MAML3: variants seen among roughly 807,000 people sequenced by gnomAD.
MAML3 encodes mastermind-like protein 3.
MAML3 carries 27 observed loss-of-function variants against 101.9 expected under a neutral mutation model. The observed-to-expected ratio is 0.27, with a 90% CI of 0.20 to 0.37. The LOEUF (loss-of-function observed/expected upper bound fraction) is 0.37, where lower values mean the gene tolerates loss of function less well. Among genes scored for constraint, MAML3 ranks in the 10% least tolerant of loss-of-function variants. The pLI is 1.00. For missense variants in MAML3, 1,316 were observed against 1,444.9 expected (o/e 0.91, Z 1.45); for synonymous variants, 501 against 555.9 (o/e 0.90, Z 1.39).
At chr4:140,035,836 C>A (rs1280556443) in intron 1 of MAML3, among the ~76,000 whole-genome samples, 2 of 151,834 alleles carry the variant, frequency 1.3e-5, no homozygotes, top group Non-Finnish European at 2.9e-5. Flanking sequence ...AGTTTAGCAC[C>A]AAATTGCTCT....
At position 139,773,516 on chromosome 4, in the gene MAML3, G is replaced by A. The variant is rs192428576; in HGVS notation, c.2080-42849C>T. Among the ~76,000 whole-genome samples the A allele has an allele frequency of 5.9e-5, 9 of 152,310 alleles. No homozygotes were observed. In the East Asian group the frequency reaches 7.7e-4, roughly 13 times the overall value. On this transcript the variant is annotated intron_variant, in intron 2 of 4. Coordinates refer to ENST00000509479, the MANE Select transcript of MAML3 (RefSeq NM_018717.5). ...TCCTCTTCACTAGTCAAAAGTGTGC[G>A]TGTCCATGGATCTTTGCTACTACAG...
chr4:139,889,487 T>G lies in MAML3; in HGVS notation c.1949A>C (p.Gln650Pro), dbSNP rs766968749. ...GGCCTGGAGCTGTGGAGGTGGCGGC[T>G]GCTGCTGCTGCTGCTGCTGCTGTTG... ...QQQQQQQQQQQPPPPQLQAPR... is the reference protein window; with the variant it reads ...QQQQQQQQQQPPPPPQLQAPR... Residue 650 changes from glutamine (Q) to proline (P), a missense_variant, in exon 2 of 5, where the codon CAG becomes CCG. Physicochemically the swap from Gln to Pro is moderately conservative, Grantham distance 76 (BLOSUM62 -1). Coordinates refer to ENST00000509479, the MANE Select transcript of MAML3 (RefSeq NM_018717.5). 1.4e-5 allele frequency: 14 copies of G among 971,294 alleles called. No individual in the cohort carries two copies. In the East Asian group the frequency reaches 2.3e-4, roughly 16 times the overall value. The allele number at this position is 971,294 out of a possible 1,614,324, so 60.2% of individuals were successfully genotyped here.
chr4:139,940,332 C>G (rs1733578703), intron 1 of MAML3, among the ~76,000 whole-genome samples: 1 of 152,174 alleles, frequency 6.6e-6, no homozygotes, highest in Non-Finnish European at 1.5e-5. Flanking sequence ...CCTACCCAAT[C>G]TATGTCATAT....
At chr4:139,837,854 A>T (rs1330290739) in intron 2 of MAML3, among the ~76,000 whole-genome samples, 1 of 151,996 alleles carries the variant, frequency 6.6e-6, no homozygotes, top group Non-Finnish European at 1.5e-5. Flanking sequence ...TGGGAGTTGG[A>T]GTTTGCAGTG....
chr4:140,088,026 C>T (rs1430459853), intron 1 of MAML3, among the ~76,000 whole-genome samples: 1 of 152,092 alleles, frequency 6.6e-6, no homozygotes, highest in Non-Finnish European at 1.5e-5. Context: ...ACCAGGAGCT[C>T]GAGATCAGCT....
intron 1 of MAML3, among the ~76,000 whole-genome samples, chr4:140,085,946 T>C (rs1385890938): frequency 6.6e-6 from 1 of 152,228 alleles, no homozygotes; most frequent in Non-Finnish European, 1.5e-5. Context: ...GGAAAATTTA[T>C]GCTTTCCCCT....
At chr4:139,914,771 C>T (rs1732997567) in intron 1 of MAML3, among the ~76,000 whole-genome samples, 1 of 152,200 alleles carries the variant, frequency 6.6e-6, no homozygotes. Flanking sequence ...TTAAACACAT[C>T]TTTCCCTCCT....
intron 2 of MAML3, among the ~76,000 whole-genome samples, chr4:139,812,854 T>C (rs1404101051): frequency 6.6e-6 from 1 of 151,754 alleles, no homozygotes; most frequent in Non-Finnish European, 1.5e-5. Flanking sequence ...TGCCACACAT[T>C]TAAGGAAAGC....
rs70943468 is a variant in MAML3, at chr4:140,011,233, C to CATATATATATATATATATATATAT, written c.469-120267_469-120266insATATATATATATATATATATATAT. Among the ~76,000 whole-genome samples the CATATATATATATATATATATATAT allele has an allele frequency of 5.8e-3, 696 of 119,540 alleles. 10 individuals are homozygous for CATATATATATATATATATATATAT. The highest frequency in any genetic ancestry group is 9.5e-3 in the Non-Finnish European group (525 of 55,356). 78.4% of individuals were successfully genotyped at this position (119,540 alleles called of 152,430 possible). On this transcript the variant is annotated intron_variant, in intron 1 of 4. Transcript: ENST00000509479. ...TATTTTGTTATATATATAAAGTGTGCATATATATATATATATATATGACAA... is the reference window on the plus strand; with the variant it reads ...TATTTTGTTATATATATAAAGTGTGCATATATATATATATATATATATATATATATATATATATATATATGACAA...
intron 2 of MAML3, among the ~76,000 whole-genome samples, chr4:139,833,207 C>T (rs1057159031): frequency 1.3e-4 from 20 of 152,158 alleles, no homozygotes; most frequent in Non-Finnish European, 2.2e-4. Flanking sequence ...CGCAAGTTAG[C>T]CCAGCCTCTG....
chr4:139,967,514 A>G (rs953742871), intron 1 of MAML3, among the ~76,000 whole-genome samples: 1 of 129,458 alleles, frequency 7.7e-6, no homozygotes, highest in African/African-American at 2.9e-5. Flanking sequence ...ACACACACAC[A>G]CTCTATTCTT....
At chr4:139,815,540 T>G (rs1350910657) in intron 2 of MAML3, among the ~76,000 whole-genome samples, 3 of 152,202 alleles carry the variant, frequency 2.0e-5, no homozygotes, top group African/African-American at 7.2e-5. Context: ...AGAAAGGAAT[T>G]CAAATCTGGG....
intron 1 of MAML3, among the ~76,000 whole-genome samples, chr4:140,003,612 T>C (rs1452656629): frequency 6.6e-6 from 1 of 152,162 alleles, no homozygotes; most frequent in Non-Finnish European, 1.5e-5. Context: ...ATTTTCTTTT[T>C]CTGTGCTTTC....
chr4:140,099,041 T>C (rs540558824), intron 1 of MAML3, among the ~76,000 whole-genome samples: 2 of 152,328 alleles, frequency 1.3e-5, no homozygotes, highest in East Asian at 1.9e-4. Flanking sequence ...TACAAGATTG[T>C]AATGTGCAAT....
chr4:139,934,015 G>A (rs1733456595), intron 1 of MAML3, among the ~76,000 whole-genome samples: 1 of 152,172 alleles, frequency 6.6e-6, no homozygotes, highest in African/African-American at 2.4e-5. Context: ...GAGTATGTGA[G>A]TGTATATGAA....
chr4:140,120,765 A>T (rs1455642224), intron 1 of MAML3, among the ~76,000 whole-genome samples: 2 of 152,190 alleles, frequency 1.3e-5, no homozygotes, highest in Non-Finnish European at 2.9e-5. Context: ...TTGAAATTAC[A>T]AACAGATAGG....
chr4:140,039,608 G>A (rs916770334), intron 1 of MAML3, among the ~76,000 whole-genome samples: 1 of 152,156 alleles, frequency 6.6e-6, no homozygotes, highest in Non-Finnish European at 1.5e-5. Context: ...CCCCGACTGT[G>A]CAGGTGACAT....
chr4:139,942,171 A>AAGGCGGGAAGGC (rs1733619497), intron 1 of MAML3, among the ~76,000 whole-genome samples: 2 of 76,802 alleles, frequency 2.6e-5, no homozygotes, highest in Non-Finnish European at 7.0e-5. Context: ...GGAGGGAGGG[A>AAGGCGGGAAGGC]AGGCAGGCAG....
chr4:140,029,631 G>C (rs886561469), intron 1 of MAML3, among the ~76,000 whole-genome samples: 1 of 152,094 alleles, frequency 6.6e-6, no homozygotes, highest in Non-Finnish European at 1.5e-5. Flanking sequence ...ATATTAGTAA[G>C]CATAATACTA....
Sources: allele counts gnomAD v4.1 joint callset (sites outside exome capture counted in the v4.1 genomes callset), GRCh38; gene constraint gnomAD v4.1.1; transcripts MANE v1.5; gene names NCBI Gene and HGNC (gene_info 2026-07-23, HGNC 2026-07-21).